Variants in RFTN2 observed in about 807,000 individuals in gnomAD.
RFTN2 encodes the protein raftlin-2.
A neutral mutation model predicts 52.7 loss-of-function variants in RFTN2; 34 were observed. The observed-to-expected ratio is 0.64, with a 90% CI of 0.49 to 0.86. The LOEUF (loss-of-function observed/expected upper bound fraction) is 0.86, where lower values mean the gene tolerates loss of function less well. Among genes scored for constraint, RFTN2 ranks in the 40% least tolerant of loss-of-function variants. RFTN2 has a pLI of 0.00. For missense variants in RFTN2, 536 were observed against 600.1 expected, an observed-to-expected ratio of 0.89 and a Z score of 1.12; for synonymous variants, 203 against 217.7, an observed-to-expected ratio of 0.93 and a Z score of 0.59.
intron 8 of RFTN2, among the ~76,000 whole-genome samples, chr2:197,582,333 A>G (rs1048175420): frequency 1.8e-4 from 28 of 152,210 alleles, no homozygotes; most frequent in Admixed American, 1.7e-3. Context: ...CCAGACTTCA[A>G]TCTGGCCTCC....
chr2:197,643,745 T>C (rs1011556142), intron 3 of RFTN2, among the ~76,000 whole-genome samples: 2 of 152,224 alleles, frequency 1.3e-5, no homozygotes, highest in Admixed American at 6.5e-5. Context: ...CTCAAACTCC[T>C]TAATCTATTC....
At chr2:197,607,146 A>G (rs2087974962) in intron 7 of RFTN2, among the ~76,000 whole-genome samples, 1 of 152,248 alleles carries the variant, frequency 6.6e-6, no homozygotes, top group Non-Finnish European at 1.5e-5. Context: ...AATACTATGC[A>G]GCCATAAAAA....
At chr2:197,595,073 T>A (rs2087775075) in intron 8 of RFTN2, among the ~76,000 whole-genome samples, 1 of 152,250 alleles carries the variant, frequency 6.6e-6, no homozygotes, top group Non-Finnish European at 1.5e-5. Context: ...AATGCACAGA[T>A]TGCCTCATTC....
intron 7 of RFTN2, among the ~76,000 whole-genome samples, chr2:197,614,297 A>G (rs1001184873): frequency 2.6e-5 from 4 of 152,188 alleles, no homozygotes; most frequent in Non-Finnish European, 5.9e-5. Context: ...CGTGGCAGAG[A>G]TAAGAGAAGG....
At chr2:197,658,629 G>A (rs1403560530) in intron 1 of RFTN2, among the ~76,000 whole-genome samples, 1 of 152,090 alleles carries the variant, frequency 6.6e-6, no homozygotes, top group African/African-American at 2.4e-5. Flanking sequence ...AGAGGTAATG[G>A]TAGTTTGGCT....
chr2:197,665,007 G>A (rs746610230), intron 1 of RFTN2, among the ~76,000 whole-genome samples: 1 of 152,180 alleles, frequency 6.6e-6, no homozygotes. Context: ...ACTAGAGAGA[G>A]GGAGTGGGGC....
At chr2:197,656,045 C>T (rs577188395) in intron 1 of RFTN2, among the ~76,000 whole-genome samples, 3 of 152,132 alleles carry the variant, frequency 2.0e-5, no homozygotes, top group Non-Finnish European at 2.9e-5. Flanking sequence ...ACAAACAGAG[C>T]TCCAGGGTAC....
intron 7 of RFTN2, among the ~76,000 whole-genome samples, chr2:197,605,650 A>T (rs1363096179): frequency 6.6e-6 from 1 of 152,196 alleles, no homozygotes; most frequent in Non-Finnish European, 1.5e-5. Flanking sequence ...TGTGGTATTC[A>T]TACTGCAACG....
chr2:197,605,476 A>G (rs1207246706), intron 7 of RFTN2, among the ~76,000 whole-genome samples: 1 of 152,022 alleles, frequency 6.6e-6, no homozygotes, highest in East Asian at 1.9e-4. Context: ...TGGCCTCCCA[A>G]AGTGCTGAGA....
At chr2:197,649,470 C>G (rs186476601) in intron 1 of RFTN2, among the ~76,000 whole-genome samples, 1 of 152,134 alleles carries the variant, frequency 6.6e-6, no homozygotes, top group Non-Finnish European at 1.5e-5. Flanking sequence ...GAAGATTGTA[C>G]CACAAATAAT....
At chr2:197,621,000 A>C (rs2088254850) in intron 5 of RFTN2, among the ~76,000 whole-genome samples, 1 of 135,586 alleles carries the variant, frequency 7.4e-6, no homozygotes, top group African/African-American at 2.5e-5. Context: ...AAAATGAAAA[A>C]CAAACAAAAA....
intron 3 of RFTN2, among the ~76,000 whole-genome samples, chr2:197,640,154 A>G (rs374838948): frequency 3.5e-4 from 53 of 150,994 alleles, no homozygotes; most frequent in East Asian, 2.3e-3. Flanking sequence ...CTGTCAGACA[A>G]GGACATTTAA....
intron 7 of RFTN2, among the ~76,000 whole-genome samples, chr2:197,609,494 A>C (rs6723768): frequency 1.1e-4 from 17 of 152,072 alleles, no homozygotes; most frequent in African/African-American, 3.6e-4. Flanking sequence ...GTTTTTTCTT[A>C]TAAATTTGTT....
intron 5 of RFTN2, among the ~76,000 whole-genome samples, chr2:197,626,526 T>G (rs191594770): frequency 1.0e-3 from 152 of 147,840 alleles, no homozygotes; most frequent in African/African-American, 3.3e-3. Flanking sequence ...ATTGTGCCCT[T>G]GCACTCCAGC....
rs554576928 is a variant in RFTN2 at position 197,571,943 on chromosome 2, A to G, written c.*65T>C. The stretch of plus-strand genomic sequence containing the variant: ...ACATAAATGCAGAGAAAGTAATACA[A>G]TAAGGTCAGTTGGCAATGATTTTAA... On this transcript the variant is annotated 3_prime_UTR_variant, in exon 9 of 9. Transcript: ENST00000295049. 1.9e-5 allele frequency: 28 copies of G among 1,504,478 alleles called. No individual in the cohort carries two copies. The African/African-American group carries it at 2.9e-4, about 16-fold the overall frequency. 93.2% of individuals were successfully genotyped at this position (1,504,478 alleles called of 1,614,324 possible).
chr2:197,623,916 G>A (rs183217517), intron 5 of RFTN2, among the ~76,000 whole-genome samples: 104 of 152,084 alleles, frequency 6.8e-4, no homozygotes, highest in African/African-American at 2.1e-3. Context: ...CACCTGCCTC[G>A]GTCTCCCAAA....
chr2:197,605,225 G>A (rs1559346167), intron 7 of RFTN2, among the ~76,000 whole-genome samples: 1 of 145,838 alleles, frequency 6.9e-6, no homozygotes, highest in African/African-American at 2.5e-5. Flanking sequence ...AATTTGTTGG[G>A]TTTTTTTTTT....
chr2:197,625,295 G>T (rs2088336040), intron 5 of RFTN2, among the ~76,000 whole-genome samples: 1 of 152,124 alleles, frequency 6.6e-6, no homozygotes, highest in Admixed American at 6.5e-5. Flanking sequence ...CTTGAACCCT[G>T]GTTTGAAAAG....
intron 5 of RFTN2, among the ~76,000 whole-genome samples, chr2:197,629,574 C>T (rs2088426680): frequency 6.6e-6 from 1 of 151,312 alleles, no homozygotes; most frequent in Admixed American, 6.6e-5. Flanking sequence ...TGCACATGTA[C>T]CCTAGAACTT....
Sources: gnomAD v4.1 joint callset for allele counts (sites outside exome capture counted in the v4.1 genomes callset) on GRCh38, gnomAD v4.1.1 for gene constraint, MANE v1.5 for transcripts, NCBI Gene and HGNC (gene_info 2026-07-23, HGNC 2026-07-21) for gene names.